LYPLA1: variants seen among roughly 807,000 people sequenced by gnomAD.
LYPLA1 encodes acyl-protein thioesterase 1.
Under a neutral mutation model 34.0 loss-of-function variants are expected in LYPLA1, and 17 were observed. That is an observed-to-expected ratio of 0.50 (90% CI 0.34 to 0.75). The LOEUF (loss-of-function observed/expected upper bound fraction) is 0.75. Among genes scored for constraint, LYPLA1 ranks in the 30% least tolerant of loss-of-function variants. The probability of loss-of-function intolerance (pLI) is 0.01; values close to 1 mark genes in which losing one functional copy is unlikely to be tolerated. For synonymous variants in LYPLA1, 98 were observed against 100.8 expected (o/e 0.97, Z 0.17); for missense variants, 203 against 288.8 (o/e 0.70, Z 2.15).
chr8:54,068,480 A>C (rs1374147092), intron 2 of LYPLA1, among the ~76,000 whole-genome samples: 2 of 152,338 alleles, frequency 1.3e-5, no homozygotes, highest in East Asian at 3.9e-4. Flanking sequence ...CTACCAAGTA[A>C]CATTCAGAAA....
chr8:54,044,096 T>C (rs1740185652), downstream of LYPLA1, among the ~76,000 whole-genome samples: 1 of 151,998 alleles, frequency 6.6e-6, no homozygotes, highest in Admixed American at 6.6e-5. Context: ...TTTACCATGT[T>C]GACCAGGCTG....
chr8:54,063,398 C>T lies in LYPLA1; in HGVS notation c.168-23G>A, dbSNP rs114158803. ...GGCCTACATGGAAAAGAAAAAACAA[C>T]AAAATCAGAATAACAAAGCATAAAA... On this transcript the variant is annotated intron_variant, in intron 3 of 8. Transcript: ENST00000316963. 1,620 of 1,476,238 alleles carry T rather than the reference C, an allele frequency of 1.1e-3. 5 individuals carry two copies. The African/African-American group carries it at 0.015, about 14-fold the overall frequency. 91.4% of individuals were successfully genotyped at this position (1,476,238 alleles called of 1,614,324 possible).
intron 3 of LYPLA1, 135 bp downstream of exon 3, chr8:54,065,613 A>T (rs954117304): frequency 2.3e-5 from 13 of 566,670 alleles, no homozygotes; most frequent in Non-Finnish European, 3.3e-5. Context: ...AAGGAATTCT[A>T]CTAATCTTTA....
At chr8:54,057,658 G>T (rs1806306641) in intron 5 of LYPLA1, among the ~76,000 whole-genome samples, 1 of 152,206 alleles carries the variant, frequency 6.6e-6, no homozygotes, top group African/African-American at 2.4e-5. Context: ...GTTATCAGAG[G>T]CTGGAAGGGT....
At chr8:54,055,684 C>A (rs184808087) in intron 5 of LYPLA1, among the ~76,000 whole-genome samples, 1 of 150,812 alleles carries the variant, frequency 6.6e-6, no homozygotes, top group Admixed American at 6.6e-5. Context: ...CGCTCTGTCA[C>A]CCAGGCTGGA....
downstream of LYPLA1, among the ~76,000 whole-genome samples, chr8:54,043,932 C>A (rs1279613854): frequency 6.6e-6 from 1 of 152,080 alleles, no homozygotes; most frequent in Non-Finnish European, 1.5e-5. Context: ...CTTGCTGTCA[C>A]CCAGGCTGGA....
chr8:54,078,212 A>T (rs560816228), intron 2 of LYPLA1, among the ~76,000 whole-genome samples: 2 of 152,216 alleles, frequency 1.3e-5, no homozygotes, highest in East Asian at 3.9e-4. Flanking sequence ...TCAGCCTCCC[A>T]AAGTGCCAGG....
chr8:54,096,735 A>G (rs1367414794), intron 2 of LYPLA1, among the ~76,000 whole-genome samples: 2 of 150,788 alleles, frequency 1.3e-5, no homozygotes, highest in African/African-American at 2.4e-5. Flanking sequence ...AGGGCGAGAC[A>G]AGGTCTCAAA....
At chr8:54,054,894 AAAT>A (rs1806102020) in intron 6 of LYPLA1, 163 bp downstream of exon 6, 1 of 581,550 alleles carries the variant, frequency 1.7e-6, no homozygotes. Flanking sequence ...TTTCAAGAAG[AAAT>A]TAATTAGTTC....
chr8:54,073,392 C>T lies in LYPLA1; in HGVS notation c.102-7579G>A, dbSNP rs188344417. 4.5e-3 allele frequency: 3,539 copies of T among 782,804 alleles called. 27 individuals are homozygous for T. The highest frequency in any genetic ancestry group is 5.0e-3 in the Non-Finnish European group (2,101 of 422,916). The allele number at this position is 782,804 out of a possible 1,614,324, so 48.5% of individuals were successfully genotyped here. A position where few individuals can be genotyped will look rare whatever the true frequency, so the allele number is the denominator to read the frequency against. ...ACACCTGGCTGCCCAAGAAGTGTTCCATTTGTAAATGCTGGCACGGCCAGC... is the reference window on the plus strand; with the variant it reads ...ACACCTGGCTGCCCAAGAAGTGTTCTATTTGTAAATGCTGGCACGGCCAGC... On this transcript the variant is annotated intron_variant, in intron 2 of 8. Transcript: ENST00000316963.
At chr8:54,080,640 T>C (rs1490465234) in intron 2 of LYPLA1, among the ~76,000 whole-genome samples, 1 of 152,186 alleles carries the variant, frequency 6.6e-6, no homozygotes, top group Non-Finnish European at 1.5e-5. Flanking sequence ...CAGGCTGGAG[T>C]GCAGTGGGGT....
At chr8:54,064,181 G>A (rs1302862900) in intron 3 of LYPLA1, among the ~76,000 whole-genome samples, 4 of 152,204 alleles carry the variant, frequency 2.6e-5, no homozygotes, top group African/African-American at 9.7e-5. Context: ...TTGGGAGGCC[G>A]AGGCGGGCGG....
intron 2 of LYPLA1, among the ~76,000 whole-genome samples, chr8:54,088,034 A>C (rs950281534): frequency 6.6e-6 from 1 of 152,246 alleles, no homozygotes; most frequent in Non-Finnish European, 1.5e-5. Context: ...AAGGTAGAGG[A>C]GAACAAAGGA....
intron 2 of LYPLA1, among the ~76,000 whole-genome samples, chr8:54,084,238 T>C (rs1437753819): frequency 6.8e-6 from 1 of 147,836 alleles, no homozygotes; most frequent in African/African-American, 2.5e-5. Context: ...TTATCCACAG[T>C]AAACAGAAAG....
At chr8:54,085,663 C>T (rs569465341) in intron 2 of LYPLA1, among the ~76,000 whole-genome samples, 21 of 150,830 alleles carry the variant, frequency 1.4e-4, no homozygotes, top group Admixed American at 3.3e-4. Context: ...GTCTCTGCCC[C>T]GCCGTCACCC....
chr8:54,101,845 C>T lies in LYPLA1; in HGVS notation c.-22G>A. 8.0e-7 allele frequency: 1 copy of T among 1,246,996 alleles called. No homozygotes were observed. Among genetic ancestry groups the T allele is most frequent in the Non-Finnish European group, 1.0e-6 (1 of 984,780 alleles). 77.2% of individuals were successfully genotyped at this position (1,246,996 alleles called of 1,614,324 possible). A position where few individuals can be genotyped will look rare whatever the true frequency, so the allele number is the denominator to read the frequency against. On this transcript the variant is annotated 5_prime_UTR_variant, in exon 1 of 9. Transcript: ENST00000316963. The stretch of plus-strand genomic sequence containing the variant: ...ACATACACCGCCTCAGCTCACAGCG[C>T]AAGCGGAAGGAAGAGCGGGCGCCCG...
chr8:54,085,575 C>T (rs1225131801), intron 2 of LYPLA1, among the ~76,000 whole-genome samples: 4 of 150,980 alleles, frequency 2.6e-5, no homozygotes, highest in African/African-American at 7.3e-5. Context: ...ATGTGGGGAG[C>T]GCCTCTGCCC....
chr8:54,069,844 G>C (rs1807337775), intron 2 of LYPLA1, among the ~76,000 whole-genome samples: 1 of 152,082 alleles, frequency 6.6e-6, no homozygotes, highest in African/African-American at 2.4e-5. Context: ...CAAAAGACTT[G>C]AATAGACATT....
chr8:54,060,928 C>A (rs1586095084), intron 5 of LYPLA1, among the ~76,000 whole-genome samples: 2 of 152,110 alleles, frequency 1.3e-5, no homozygotes, highest in African/African-American at 4.8e-5. Context: ...CTCCTGACCT[C>A]AGGTGATCTG....
Sources: gnomAD v4.1 joint callset for allele counts (sites outside exome capture counted in the v4.1 genomes callset) on GRCh38, gnomAD v4.1.1 for gene constraint, MANE v1.5 for transcripts, NCBI Gene and HGNC (gene_info 2026-07-23, HGNC 2026-07-21) for gene names.